UGT2A1: variants seen among roughly 807,000 people sequenced by gnomAD.
UGT2A1 encodes the protein UDP glucuronosyltransferase family 2 member A1 complex locus, also known as UDP-glucuronosyltransferase 2A1.
UGT2A1 carries 61 observed loss-of-function variants against 45.4 expected under a neutral mutation model. The ratio of observed to expected loss-of-function variants is 1.34; its 90% CI spans 1.09 to 1.66. UGT2A1 has a LOEUF of 1.66. Ranked by LOEUF, UGT2A1 falls within the 40% of genes most tolerant of loss-of-function variation. UGT2A1 has a pLI of 0.00. For missense variants in UGT2A1, 649 were observed against 574.3 expected (o/e 1.13, Z -1.33); for synonymous variants, 229 against 196.2 (o/e 1.17, Z -1.40).
chr4:69,631,219 TTTA>T (rs1386896726), intron 3 of UGT2A1, among the ~76,000 whole-genome samples: 2 of 152,122 alleles, frequency 1.3e-5, no homozygotes, highest in Non-Finnish European at 2.9e-5. Flanking sequence ...CCTATACTGT[TTTA>T]GTGAAATTAG....
rs773085950 is a variant in UGT2A1, at chr4:69,647,072, G to C, written c.573C>G (p.Ser191=). 3.1e-6 allele frequency: 5 copies of C among 1,612,772 alleles called. No individual in the cohort carries two copies. The East Asian group carries it at 6.7e-5, about 22-fold the overall frequency. ...KHCGKVPYPP[S]YVPAVLSELT... ...GTTCTGATAAAACAGCAGGAACATA[G>C]GAAGGAGGGTATGGTACCTTCCCAC... Residue 191 remains serine (S), a synonymous_variant, in exon 2 of 7, where the codon TCC becomes TCG. Transcript: ENST00000286604.
At chr4:69,628,525 C>T (rs1560487327) in intron 3 of UGT2A1, among the ~76,000 whole-genome samples, 1 of 151,036 alleles carries the variant, frequency 6.6e-6, no homozygotes, top group South Asian at 2.1e-4. Context: ...ATAAATGATG[C>T]CAGAAACACT....
At chr4:69,607,264 G>A (rs1193767191) in intron 3 of UGT2A1, among the ~76,000 whole-genome samples, 2 of 150,080 alleles carry the variant, frequency 1.3e-5, no homozygotes, top group South Asian at 2.1e-4. Context: ...AAATAATGCT[G>A]CGTATCTACA....
intron 3 of UGT2A1, among the ~76,000 whole-genome samples, chr4:69,608,426 G>T (rs1719809308): frequency 7.2e-6 from 1 of 138,148 alleles, no homozygotes; most frequent in Admixed American, 7.6e-5. Flanking sequence ...GTTGTGGGGT[G>T]GGGGGAGGGG....
At position 69,604,841 on chromosome 4, in the gene UGT2A1, T is replaced by G. The variant is rs1452942412; in HGVS notation, c.848-5447A>C. ...GACAAAGAAGGCCATTACATAATGGTAAAAGGATCAATTCAACAAGAAGAG... is the reference window on the plus strand; with the variant it reads ...GACAAAGAAGGCCATTACATAATGGGAAAAGGATCAATTCAACAAGAAGAG... On this transcript the variant is annotated intron_variant, in intron 3 of 6. Coordinates refer to ENST00000286604, the MANE Select transcript of UGT2A1 (RefSeq NM_001252275.3). Among the ~76,000 whole-genome samples the G allele has an allele frequency of 4.4e-5, 6 of 136,146 alleles. 2 individuals carry two copies. Among genetic ancestry groups the G allele is most frequent in the Admixed American group, 1.4e-4 (2 of 13,850 alleles). 89.3% of individuals were successfully genotyped at this position (136,146 alleles called of 152,430 possible).
rs1720476640 is a variant in UGT2A1, at chr4:69,617,572, A to G, written c.847+18119T>C. 3.3e-5 allele frequency among the ~76,000 whole-genome samples: 5 copies of G among 152,020 alleles called. No homozygotes were observed. In the South Asian group the frequency reaches 1.0e-3, roughly 32 times the overall value. On this transcript the variant is annotated intron_variant, in intron 3 of 6. Coordinates refer to ENST00000286604, the MANE Select transcript of UGT2A1 (RefSeq NM_001252275.3). The stretch of plus-strand genomic sequence containing the variant: ...ACTAGTTTCCTTCATATTCAGGAAG[A>G]AAGACTGTTTCAAATTAGGGCTAGT...
At chr4:69,619,152 C>T (rs1720592806) in intron 3 of UGT2A1, among the ~76,000 whole-genome samples, 1 of 151,848 alleles carries the variant, frequency 6.6e-6, no homozygotes, top group African/African-American at 2.4e-5. Flanking sequence ...AATCCCAGTA[C>T]TTTGGTAAGC....
chr4:69,637,866 G>C lies in UGT2A1; in HGVS notation c.716-2044C>G, dbSNP rs558955165. 8.3e-4 allele frequency among the ~76,000 whole-genome samples: 125 copies of C among 151,148 alleles called. 1 individual carries two copies. Among genetic ancestry groups the C allele is most frequent in the African/African-American group, 3.0e-3 (123 of 41,174 alleles). On this transcript the variant is annotated intron_variant, in intron 2 of 6. Transcript: ENST00000286604. Reference sequence around the variant, plus strand: ...TTTTTTACACAAAGTAAACAAGAGAGAATGAAGGAAGAAAAGTAAAAAAGG... The same window carrying C: ...TTTTTTACACAAAGTAAACAAGAGACAATGAAGGAAGAAAAGTAAAAAAGG...
intron 2 of UGT2A1, among the ~76,000 whole-genome samples, chr4:69,645,891 G>A (rs1002951452): frequency 1.3e-5 from 2 of 151,716 alleles, no homozygotes; most frequent in African/African-American, 4.8e-5. Context: ...CACCTGTGCT[G>A]TTTTGTCTTC....
chr4:69,645,537 T>C (rs1193809162), intron 2 of UGT2A1, among the ~76,000 whole-genome samples: 1 of 151,720 alleles, frequency 6.6e-6, no homozygotes, highest in East Asian at 1.9e-4. Context: ...AGTCTCATAC[T>C]GCATTATTTT....
chr4:69,643,552 C>T (rs1450749239), intron 2 of UGT2A1, among the ~76,000 whole-genome samples: 8 of 151,524 alleles, frequency 5.3e-5, no homozygotes, highest in African/African-American at 1.9e-4. Context: ...ATCACAGTGG[C>T]TAGTGCATAG....
At chr4:69,607,273 C>T (rs1719690965) in intron 3 of UGT2A1, among the ~76,000 whole-genome samples, 1 of 150,716 alleles carries the variant, frequency 6.6e-6, no homozygotes, top group Admixed American at 6.6e-5. Context: ...TGCGTATCTA[C>T]AACCATCTGA....
chr4:69,609,409 T>C (rs569343930), intron 3 of UGT2A1, among the ~76,000 whole-genome samples: 336 of 152,246 alleles, frequency 2.2e-3, no homozygotes, highest in South Asian at 5.0e-3. Context: ...TCTGTTTCCC[T>C]GGCTGGCCTC....
intron 3 of UGT2A1, among the ~76,000 whole-genome samples, chr4:69,600,998 C>G (rs1719253508): frequency 6.6e-6 from 1 of 152,052 alleles, no homozygotes; most frequent in Admixed American, 6.6e-5. Flanking sequence ...TAAACCATCT[C>G]AGTGGGGAAG....
Position 69,647,592 on chromosome 4 carries a change from G to A in UGT2A1, c.53C>T (p.Thr18Ile). 1 of 1,609,016 alleles carries A rather than the reference G, an allele frequency of 6.2e-7. No homozygotes were observed. The highest frequency in any genetic ancestry group is 1.1e-5 in the South Asian group (1 of 90,302). The change falls in exon 2 of 7, where the codon ACT becomes ATT. Residue 18 changes from threonine (T) to isoleucine (I), a missense_variant. By Grantham distance (89) the Thr-to-Ile change is moderately conservative. Coordinates refer to ENST00000286604, the MANE Select transcript of UGT2A1 (RefSeq NM_001252275.3). ...CCAAATCAAAACATTCCCACCAAGA[G>A]TGGTTCCTATGAGACTTATCTGAAG... ...FSLQISLIGT[T>I]LGGNVLIWPM...
chr4:69,590,680 G>A (rs1448124342), intron 6 of UGT2A1, among the ~76,000 whole-genome samples: 1 of 151,700 alleles, frequency 6.6e-6, no homozygotes, highest in Non-Finnish European at 1.5e-5. Context: ...TGTCTGTCTA[G>A]TGAAAAAGAA....
intron 3 of UGT2A1, among the ~76,000 whole-genome samples, chr4:69,614,998 C>T (rs139830516): frequency 2.0e-5 from 3 of 152,054 alleles, no homozygotes; most frequent in African/African-American, 2.4e-5. Flanking sequence ...GAAATTGCTA[C>T]ACACTTTTAA....
chr4:69,631,690 T>A (rs1016895575), intron 3 of UGT2A1, among the ~76,000 whole-genome samples: 5 of 152,254 alleles, frequency 3.3e-5, no homozygotes, highest in Admixed American at 2.0e-4. Flanking sequence ...TGTCCACTAA[T>A]TATCCCAGCT....
At chr4:69,607,499 A>G (rs1014351290) in intron 3 of UGT2A1, among the ~76,000 whole-genome samples, 13 of 151,980 alleles carry the variant, frequency 8.6e-5, no homozygotes, top group Admixed American at 4.6e-4. Flanking sequence ...CATTCAGGAC[A>G]TAGGCATGGG....
Sources: allele counts gnomAD v4.1 joint callset (sites outside exome capture counted in the v4.1 genomes callset), GRCh38; gene constraint gnomAD v4.1.1; transcripts MANE v1.5; gene names NCBI Gene and HGNC (gene_info 2026-07-23, HGNC 2026-07-21).